THOC7: variants seen among roughly 807,000 people sequenced by gnomAD.
THOC7 encodes THO complex subunit 7.
THOC7 carries 22 observed loss-of-function variants against 33.1 expected under a neutral mutation model. The observed-to-expected ratio is 0.66, with a 90% CI of 0.47 to 0.95. THOC7 has a LOEUF of 0.95. THOC7 is among the 40% of genes least tolerant of loss of function. The pLI is 0.00. For missense variants in THOC7, 184 were observed against 245.3 expected, an observed-to-expected ratio of 0.75 and a Z score of 1.67; for synonymous variants, 77 against 76.8, an observed-to-expected ratio of 1.00 and a Z score of -0.01.
chr3:63,851,980 T>C (rs899207135), intron 1 of THOC7, among the ~76,000 whole-genome samples: 1 of 151,976 alleles, frequency 6.6e-6, no homozygotes, highest in Non-Finnish European at 1.5e-5. Flanking sequence ...TGACCTAGGG[T>C]GCCCTCCATA....
chr3:63,862,722 G>C (rs1702255596), intron 1 of THOC7, among the ~76,000 whole-genome samples: 2 of 152,068 alleles, frequency 1.3e-5, no homozygotes, highest in African/African-American at 4.8e-5. Flanking sequence ...CCTCTCCACA[G>C]GCATTTACAG....
At chr3:63,853,704 C>A (rs1410322433) in intron 1 of THOC7, among the ~76,000 whole-genome samples, 2 of 152,120 alleles carry the variant, frequency 1.3e-5, no homozygotes, top group Non-Finnish European at 2.9e-5. Flanking sequence ...GTCAGGAGAT[C>A]GAGACCATCC....
intron 1 of THOC7, among the ~76,000 whole-genome samples, chr3:63,858,712 A>G (rs970091904): frequency 6.6e-6 from 1 of 152,212 alleles, no homozygotes; most frequent in Admixed American, 6.5e-5. Context: ...CAACATCCAC[A>G]CTGTTTTTCA....
chr3:63,838,308 C>A, intron 3 of THOC7, 64 bp downstream of exon 3: 1 of 1,144,550 alleles, frequency 8.7e-7, no homozygotes, highest in Non-Finnish European at 1.2e-6. Flanking sequence ...AAATTGTTAG[C>A]AGGTATTGTT....
At chr3:63,860,209 A>T (rs1297832887) in intron 1 of THOC7, among the ~76,000 whole-genome samples, 5 of 151,460 alleles carry the variant, frequency 3.3e-5, no homozygotes, top group African/African-American at 1.2e-4. Flanking sequence ...CGCCTGGCTA[A>T]TTTGAAAAAT....
At chr3:63,854,986 C>T (rs924251305) in intron 1 of THOC7, among the ~76,000 whole-genome samples, 2 of 147,426 alleles carry the variant, frequency 1.4e-5, no homozygotes, top group African/African-American at 5.0e-5. Flanking sequence ...CCAGCCTGGG[C>T]GACAGAGCGA....
At chr3:63,844,974 T>A in intron 1 of THOC7, 1 of 661,796 alleles carries the variant, frequency 1.5e-6, no homozygotes, top group Non-Finnish European at 2.8e-6. Flanking sequence ...GAATCATAAA[T>A]AAAGACAATT....
At chr3:63,843,744 C>CA (rs1389089053) in intron 1 of THOC7, among the ~76,000 whole-genome samples, 1 of 151,976 alleles carries the variant, frequency 6.6e-6, no homozygotes, top group East Asian at 2.0e-4. Flanking sequence ...ACTAAAAATA[C>CA]AAAAATATTA....
chr3:63,838,541 A>G (rs1236050437), intron 2 of THOC7, 42 bp from the exon 3 acceptor site: 2 of 1,565,028 alleles, frequency 1.3e-6, no homozygotes, highest in Admixed American at 4.3e-5. Context: ...ATATTTGTGG[A>G]CTGACAAAAG....
chr3:63,861,613 T>C (rs1239347156), intron 1 of THOC7: 1 of 152,130 alleles, frequency 6.6e-6, no homozygotes, highest in Non-Finnish European at 1.5e-5. Context: ...ATAACTACTA[T>C]CTGTGCGACC....
chr3:63,834,242 T>G, intron 7 of THOC7, 43 bp from the exon 8 acceptor site: 1 of 1,585,236 alleles, frequency 6.3e-7, no homozygotes, highest in Non-Finnish European at 8.7e-7. Flanking sequence ...CAAGTTTGCC[T>G]ATATTTTATA....
chr3:63,840,813 G>GA (rs1701740158), intron 1 of THOC7, among the ~76,000 whole-genome samples: 1 of 152,180 alleles, frequency 6.6e-6, no homozygotes. Flanking sequence ...AAGGGTGTTA[G>GA]AAAACTGCAC....
intron 1 of THOC7, among the ~76,000 whole-genome samples, chr3:63,844,164 T>G (rs1701835806): frequency 6.6e-6 from 1 of 151,940 alleles, no homozygotes; most frequent in Admixed American, 6.6e-5. Context: ...CTCACAGAAA[T>G]AGAGAGTATA....
chr3:63,847,077 T>C (rs1277995468), intron 1 of THOC7, among the ~76,000 whole-genome samples: 1 of 152,046 alleles, frequency 6.6e-6, no homozygotes, highest in Non-Finnish European at 1.5e-5. Flanking sequence ...ATCGAAGAAT[T>C]GCGTAGGCGA....
At chr3:63,862,583 C>G (rs1346823867) in intron 1 of THOC7, among the ~76,000 whole-genome samples, 3 of 152,158 alleles carry the variant, frequency 2.0e-5, no homozygotes, top group Admixed American at 2.0e-4. Flanking sequence ...CATGAAGTTC[C>G]TGGGTCTTTA....
chr3:63,846,172 C>T (rs1701889741), intron 1 of THOC7: 2 of 446,288 alleles, frequency 4.5e-6, no homozygotes, highest in African/African-American at 4.0e-5. Flanking sequence ...TATTTACAAT[C>T]TACTACTAAA....
intron 1 of THOC7, 22 bp downstream of exon 1, chr3:63,863,750 G>A (rs1702304681): frequency 8.0e-6 from 10 of 1,250,704 alleles, no homozygotes; most frequent in Non-Finnish European, 1.0e-5. Context: ...GCGGGCGCGT[G>A]TGGCGGCGAG....
chr3:63,863,904 G>T (rs1702313809), upstream of THOC7: 4 of 1,087,442 alleles, frequency 3.7e-6, no homozygotes, highest in African/African-American at 1.7e-5. Context: ...AGGAGGAGGC[G>T]GCGGCGCCCG....
intron 2 of THOC7, 97 bp downstream of exon 2, chr3:63,839,559 A>T: frequency 2.0e-6 from 2 of 1,000,024 alleles, no homozygotes; most frequent in Admixed American, 1.8e-5. Flanking sequence ...CTGTACATTT[A>T]AGGTGAGTGA....
Sources: gnomAD v4.1 joint callset for allele counts (sites outside exome capture counted in the v4.1 genomes callset) on GRCh38, gnomAD v4.1.1 for gene constraint, MANE v1.5 for transcripts, NCBI Gene and HGNC (gene_info 2026-07-23, HGNC 2026-07-21) for gene names.